CACHD1: variants seen among roughly 807,000 people sequenced by gnomAD.
CACHD1 encodes VWFA and cache domain-containing protein 1.
A neutral mutation model predicts 138.7 loss-of-function variants in CACHD1; 71 were observed. The observed-to-expected ratio is 0.51, with a 90% CI of 0.42 to 0.62. The LOEUF (loss-of-function observed/expected upper bound fraction) is 0.62, where lower values mean the gene tolerates loss of function less well. CACHD1 is among the 20% of genes least tolerant of loss of function. CACHD1 has a pLI of 0.00. For missense variants in CACHD1, 1,389 were observed against 1,625.3 expected (o/e 0.85, Z 2.50); for synonymous variants, 578 against 591.5 (o/e 0.98, Z 0.33).
In CACHD1 at chr1:64,671,656, T is replaced by C; in HGVS notation, c.2480T>C (p.Val827Ala). ...AAAGTTCTGATGGACCTATTACCTG[T>C]CTGTAACCAAGATGGTGGCAACAAA... is the stretch of plus-strand genomic sequence containing the variant. ...FYKVLMDLLP[V>A]CNQDGGNKIR... Residue 827 changes from valine (V) to alanine (A), a missense_variant, in exon 17 of 27, where the codon GTC becomes GCC. By Grantham distance (64) the Val-to-Ala change is moderately conservative (BLOSUM62 0). Around this residue, in one of 5 missense-constraint regions of CACHD1, gnomAD observed 1,000 missense variants for 1,114.7 expected, o/e 0.90. Coordinates refer to ENST00000651257, the MANE Select transcript of CACHD1 (RefSeq NM_020925.4). 6.2e-7 allele frequency: 1 copy of C among 1,614,060 alleles called. No individual in the cohort carries two copies. The highest frequency in any genetic ancestry group is 8.5e-7 in the Non-Finnish European group (1 of 1,179,968).
chr1:64,512,349 G>A (rs900103672), intron 1 of CACHD1, among the ~76,000 whole-genome samples: 4 of 136,708 alleles, frequency 2.9e-5, no homozygotes, highest in African/African-American at 1.2e-4. Context: ...AGCTGAGATT[G>A]CACCACTGCA....
rs11445405 is a variant in CACHD1 at position 64,491,945 on chromosome 1, G to GTT, written c.198+21012_198+21013dup. On this transcript the variant is annotated intron_variant, in intron 1 of 26. Transcript: ENST00000651257. ...GGTTTTTTTTGTTTGTTTGTTTTTT[G>GTT]TTTTTTTTTTATTAATAAAAATTAA... is the stretch of plus-strand genomic sequence containing the variant. Among the ~76,000 whole-genome samples the GTT allele has an allele frequency of 4.4e-3, 648 of 147,420 alleles. 15 individuals are homozygous for GTT. The highest frequency in any genetic ancestry group is 0.015 in the African/African-American group (616 of 40,626).
At chr1:64,477,256 G>C (rs1254610788) in intron 1 of CACHD1, among the ~76,000 whole-genome samples, 1 of 152,136 alleles carries the variant, frequency 6.6e-6, no homozygotes, top group Non-Finnish European at 1.5e-5. Flanking sequence ...TAAACATGTA[G>C]CTCCTAAGCC....
intron 23 of CACHD1, 93 bp from the exon 24 acceptor site, chr1:64,679,502 T>A (rs1280844381): frequency 7.1e-7 from 1 of 1,408,002 alleles, no homozygotes; most frequent in Non-Finnish European, 9.9e-7. Flanking sequence ...GCCAACCCCC[T>A]TCCCACTGTA....
intron 3 of CACHD1, among the ~76,000 whole-genome samples, chr1:64,597,753 T>C (rs994153560): frequency 6.6e-6 from 1 of 152,118 alleles, no homozygotes. Flanking sequence ...TTAAGTTGAA[T>C]TGCCCATTCA....
intron 1 of CACHD1, among the ~76,000 whole-genome samples, chr1:64,505,461 C>T (rs1436559657): frequency 1.3e-5 from 2 of 152,112 alleles, no homozygotes; most frequent in Non-Finnish European, 2.9e-5. Context: ...GAGAGCGGCT[C>T]AGCGAAGGCC....
At chr1:64,519,773 G>A (rs867367824) in intron 1 of CACHD1, among the ~76,000 whole-genome samples, 2 of 86,652 alleles carry the variant, frequency 2.3e-5, no homozygotes, top group East Asian at 4.0e-4. Context: ...AACAGCTCTC[G>A]GTCATTACCA....
In CACHD1 at chr1:64,622,289, A is replaced by G. The variant is rs745352056; in HGVS notation, c.518-7066A>G. On this transcript the variant is annotated intron_variant, in intron 4 of 26. Coordinates refer to ENST00000651257, the MANE Select transcript of CACHD1 (RefSeq NM_020925.4). ...TGTTTAAGGTTTCTCAGAGTCATAC[A>G]TGCACTATCAGCTCTGCCTGTTAAG... 3.3e-5 allele frequency among the ~76,000 whole-genome samples: 5 copies of G among 152,364 alleles called. 1 individual carries two copies. The South Asian group carries it at 8.3e-4, about 25-fold the overall frequency.
At chr1:64,509,040 A>G (rs772967876) in intron 1 of CACHD1, among the ~76,000 whole-genome samples, 2 of 152,126 alleles carry the variant, frequency 1.3e-5, no homozygotes, top group Non-Finnish European at 2.9e-5. Flanking sequence ...TAAGGCTTTT[A>G]TTGCTAATTA....
At chr1:64,554,063 G>A (rs985845088) in intron 2 of CACHD1, among the ~76,000 whole-genome samples, 30 of 152,016 alleles carry the variant, frequency 2.0e-4, no homozygotes, top group Admixed American at 1.9e-3. Flanking sequence ...ACAGGTTCTC[G>A]CTCTGTTGCC....
chr1:64,682,682 G>A (rs1650231971), intron 26 of CACHD1, among the ~76,000 whole-genome samples: 1 of 152,176 alleles, frequency 6.6e-6, no homozygotes, highest in Admixed American at 6.5e-5. Context: ...GAAGGGTCAA[G>A]GCCAAATCAT....
At chr1:64,574,096 G>T (rs991920367) in intron 2 of CACHD1, among the ~76,000 whole-genome samples, 9 of 152,190 alleles carry the variant, frequency 5.9e-5, no homozygotes, top group African/African-American at 2.2e-4. Context: ...GGAATGAGTA[G>T]AATTTAGATA....
In CACHD1 at chr1:64,606,892, G is replaced by T. The variant is rs1557516777; in HGVS notation, c.517+3980G>T. 2.0e-5 allele frequency among the ~76,000 whole-genome samples: 3 copies of T among 152,172 alleles called. No individual in the cohort carries two copies. The South Asian group carries it at 6.2e-4, about 32-fold the overall frequency. ...CTTCTAAGATCCTTGGCCTTACAAG[G>T]AGAAGGACAGAGTTGTCATTTATTG... On this transcript the variant is annotated intron_variant, in intron 4 of 26. Transcript: ENST00000651257.
chr1:64,503,714 T>G (rs1646352348), intron 1 of CACHD1, among the ~76,000 whole-genome samples: 1 of 152,190 alleles, frequency 6.6e-6, no homozygotes, highest in Non-Finnish European at 1.5e-5. Flanking sequence ...TAGGTTCCAA[T>G]TGTTTATATT....
intron 4 of CACHD1, among the ~76,000 whole-genome samples, chr1:64,623,170 G>T (rs1165708169): frequency 1.3e-5 from 2 of 152,124 alleles, no homozygotes; most frequent in East Asian, 3.8e-4. Flanking sequence ...GGGAGGCCGA[G>T]GTGGGCAGAT....
intron 13 of CACHD1, among the ~76,000 whole-genome samples, chr1:64,661,787 T>C (rs1318702609): frequency 6.6e-6 from 1 of 152,074 alleles, no homozygotes; most frequent in African/African-American, 2.4e-5. Flanking sequence ...ATAATAATAA[T>C]CTCCCAGGGT....
chr1:64,481,507 G>A (rs888240578), intron 1 of CACHD1, among the ~76,000 whole-genome samples: 5 of 152,138 alleles, frequency 3.3e-5, no homozygotes, highest in African/African-American at 9.7e-5. Flanking sequence ...TACTTCAAAC[G>A]CAGAGAGTGC....
At chr1:64,474,849 G>A (rs533634718) in intron 1 of CACHD1, among the ~76,000 whole-genome samples, 1 of 152,372 alleles carries the variant, frequency 6.6e-6, no homozygotes, top group South Asian at 2.1e-4. Flanking sequence ...GCCCAACTCT[G>A]CTGGGCTGGG....
intron 4 of CACHD1, among the ~76,000 whole-genome samples, chr1:64,615,110 G>C (rs1647666406): frequency 6.6e-6 from 1 of 152,062 alleles, no homozygotes; most frequent in Non-Finnish European, 1.5e-5. Flanking sequence ...CCGTACTTTT[G>C]ATCACATTAT....
Sources: allele counts gnomAD v4.1 joint callset (sites outside exome capture counted in the v4.1 genomes callset), GRCh38; gene constraint gnomAD v4.1.1; regional missense constraint gnomAD v4.1.1; transcripts MANE v1.5; gene names NCBI Gene and HGNC (gene_info 2026-07-23, HGNC 2026-07-21).